EYS: variants seen among roughly 807,000 people sequenced by gnomAD.
The protein encoded by EYS is EGF-like photoreceptor maintenance factor.
EYS carries 250 observed loss-of-function variants against 282.1 expected under a neutral mutation model. The ratio of observed to expected loss-of-function variants is 0.89; its 90% CI spans 0.80 to 0.98. The LOEUF (loss-of-function observed/expected upper bound fraction) is 0.98, where lower values mean the gene tolerates loss of function less well. EYS is among the 50% of genes least tolerant of loss of function. The probability of loss-of-function intolerance (pLI) is 0.00; values close to 1 mark genes in which losing one functional copy is unlikely to be tolerated. For missense variants in EYS, 4,016 were observed against 3,709.0 expected (o/e 1.08, Z -2.15); for synonymous variants, 1,355 against 1,282.9 (o/e 1.06, Z -1.20).
chr6:64,396,493 T>G (rs1268306312), intron 28 of EYS, among the ~76,000 whole-genome samples: 1 of 152,148 alleles, frequency 6.6e-6, no homozygotes, highest in Non-Finnish European at 1.5e-5. Flanking sequence ...AATCTTTTCC[T>G]TAATAATTAG....
intron 26 of EYS, among the ~76,000 whole-genome samples, chr6:64,516,222 C>T (rs1405222222): frequency 6.6e-6 from 1 of 151,016 alleles, no homozygotes; most frequent in African/African-American, 2.4e-5. Context: ...AGATACCAGG[C>T]TTAATACCTG....
chr6:64,395,812 CA>C (rs1402003168), intron 28 of EYS, among the ~76,000 whole-genome samples: 1 of 150,566 alleles, frequency 6.6e-6, no homozygotes, highest in South Asian at 2.1e-4. Flanking sequence ...AACAAAAAAA[CA>C]AAATAATAGT....
chr6:65,325,938 G>C (rs1232213979), intron 11 of EYS, among the ~76,000 whole-genome samples: 2 of 152,136 alleles, frequency 1.3e-5, no homozygotes, highest in African/African-American at 2.4e-5. Context: ...GCTAATGAAA[G>C]AGCAGTGTTC....
In EYS at chr6:65,559,927, G is replaced by T. The variant is rs147048236; in HGVS notation, c.-332-63934C>A. On this transcript the variant is annotated intron_variant, in intron 2 of 42. Transcript: ENST00000503581. ...AAAAATTAGTTCAAAGATTTTTATT[G>T]CAGTCTTACTTAAAATACTTTCTAG... is the stretch of plus-strand genomic sequence containing the variant. Among the ~76,000 whole-genome samples, 921 of 151,132 alleles carry T rather than the reference G, an allele frequency of 6.1e-3. 6 individuals carry two copies. Among genetic ancestry groups the T allele is most frequent in the Non-Finnish European group, 0.01 (683 of 67,664 alleles).
At chr6:64,764,039 A>T (rs1773246402) in intron 22 of EYS, among the ~76,000 whole-genome samples, 1 of 152,142 alleles carries the variant, frequency 6.6e-6, no homozygotes, top group Admixed American at 6.5e-5. Flanking sequence ...TCTGGCATTG[A>T]GGGCCGGAGG....
At chr6:63,806,507 C>T in intron 36 of EYS, 135 bp from the exon 37 acceptor site, 1 of 681,878 alleles carries the variant, frequency 1.5e-6, no homozygotes. Flanking sequence ...TGCCCTTCAG[C>T]ATTGAGCAAC....
At chr6:63,954,397 G>A (rs1022853770) in intron 35 of EYS, among the ~76,000 whole-genome samples, 1 of 152,098 alleles carries the variant, frequency 6.6e-6, no homozygotes, top group Non-Finnish European at 1.5e-5. Context: ...TCTTGCAAAG[G>A]GACGAGGCAT....
chr6:65,219,981 A>G (rs996477054), intron 12 of EYS, among the ~76,000 whole-genome samples: 3 of 152,130 alleles, frequency 2.0e-5, no homozygotes, highest in African/African-American at 7.2e-5. Context: ...GGGAGCTACA[A>G]TTCAAGATGA....
chr6:65,262,380 C>A (rs866359775), intron 12 of EYS, among the ~76,000 whole-genome samples: 1 of 151,994 alleles, frequency 6.6e-6, no homozygotes, highest in Non-Finnish European at 1.5e-5. Context: ...AAATGTATTA[C>A]TCAATATAAT....
intron 26 of EYS, among the ~76,000 whole-genome samples, chr6:64,449,287 G>T (rs150018594): frequency 0.011 from 1,749 of 152,150 alleles, 14 homozygotes; most frequent in Middle Eastern, 0.024. Context: ...GAAATGAAGT[G>T]TGAAGAAAAG....
At chr6:63,725,217 A>G (rs1768566992) in intron 42 of EYS, among the ~76,000 whole-genome samples, 1 of 152,142 alleles carries the variant, frequency 6.6e-6, no homozygotes, top group African/African-American at 2.4e-5. Flanking sequence ...ATAAAAAAGG[A>G]AACTCTTGAT....
At chr6:65,319,465 T>C (rs1443647558) in intron 11 of EYS, among the ~76,000 whole-genome samples, 2 of 151,950 alleles carry the variant, frequency 1.3e-5, no homozygotes, top group Non-Finnish European at 2.9e-5. Flanking sequence ...AATCTGAAAG[T>C]CTTCAGTTTT....
At chr6:65,185,988 C>T (rs1562011024) in intron 12 of EYS, among the ~76,000 whole-genome samples, 1 of 15,048 alleles carries the variant, frequency 6.6e-5, no homozygotes, top group African/African-American at 1.3e-4. Context: ...ATTTAATTGC[C>T]AAGCACTTTA....
intron 26 of EYS, among the ~76,000 whole-genome samples, chr6:64,446,987 G>T (rs905667426): frequency 6.4e-4 from 45 of 69,906 alleles, no homozygotes; most frequent in East Asian, 1.6e-3. Flanking sequence ...GTGTGTGTGT[G>T]GGGGGGGGGT....
At chr6:64,137,618 AAGAG>A (rs918207047) in intron 31 of EYS, among the ~76,000 whole-genome samples, 46 of 151,686 alleles carry the variant, frequency 3.0e-4, no homozygotes, top group African/African-American at 1.0e-3. Flanking sequence ...GGCCCAGAGA[AAGAG>A]AGAGACAGAG....
chr6:64,164,340 GA>G (rs1330305118), intron 31 of EYS, among the ~76,000 whole-genome samples: 2 of 151,974 alleles, frequency 1.3e-5, no homozygotes, highest in Non-Finnish European at 2.9e-5. Context: ...TATTGCCTTG[GA>G]AAAAATTATT....
intron 22 of EYS, among the ~76,000 whole-genome samples, chr6:64,758,937 G>A (rs1299903785): frequency 6.6e-6 from 1 of 152,118 alleles, no homozygotes; most frequent in Non-Finnish European, 1.5e-5. Context: ...AGGAGATAGA[G>A]ACCATCCTGG....
At chr6:65,569,123 AT>A in intron 2 of EYS, among the ~76,000 whole-genome samples, 1 of 152,236 alleles carries the variant, frequency 6.6e-6, no homozygotes, top group Non-Finnish European at 1.5e-5. Flanking sequence ...GTGAAAATGT[AT>A]TGTTCCTGCC....
intron 14 of EYS, among the ~76,000 whole-genome samples, chr6:64,986,155 T>C (rs1044581420): frequency 5.3e-5 from 8 of 151,466 alleles, no homozygotes; most frequent in African/African-American, 1.9e-4. Context: ...GAGGTATACC[T>C]TAATTTCCAT....
Sources: allele counts gnomAD v4.1 joint callset (sites outside exome capture counted in the v4.1 genomes callset), GRCh38; gene constraint gnomAD v4.1.1; transcripts MANE v1.5; gene names NCBI Gene and HGNC (gene_info 2026-07-23, HGNC 2026-07-21).